The following LRRIQ3 variants were observed in gnomAD, a reference collection of about 807,000 sequenced individuals.
LRRIQ3 encodes the protein leucine-rich repeat and IQ domain-containing protein 3.
A neutral mutation model predicts 59.3 loss-of-function variants in LRRIQ3; 75 were observed. That is an observed-to-expected ratio of 1.26 (90% confidence interval 1.05 to 1.53). The LOEUF is 1.53. Among genes scored for constraint, LRRIQ3 ranks in the 40% most tolerant of loss-of-function variants. LRRIQ3 has a pLI of 0.00. For missense variants in LRRIQ3, 831 were observed against 710.0 expected, an observed-to-expected ratio of 1.17 and a Z score of -1.94; for synonymous variants, 250 against 231.3, an observed-to-expected ratio of 1.08 and a Z score of -0.73.
chr1:74,152,281 T>C (rs2100660055), intron 4 of LRRIQ3, among the ~76,000 whole-genome samples: 1 of 152,042 alleles, frequency 6.6e-6, no homozygotes, highest in African/African-American at 2.4e-5. Context: ...CTAAGTGAAA[T>C]AGACTAAAAT....
intron 7 of LRRIQ3, among the ~76,000 whole-genome samples, chr1:74,039,578 A>G (rs1653980043): frequency 6.6e-6 from 1 of 152,222 alleles, no homozygotes; most frequent in Non-Finnish European, 1.5e-5. Flanking sequence ...TCAGACTAAC[A>G]GTGGACCTCT....
intron 3 of LRRIQ3, among the ~76,000 whole-genome samples, chr1:74,169,707 C>G (rs1483744654): frequency 6.6e-6 from 1 of 151,876 alleles, no homozygotes; most frequent in Non-Finnish European, 1.5e-5. Context: ...GCACGCCACA[C>G]CTGGTTAATT....
At chr1:74,163,239 T>C (rs1648763448) in intron 3 of LRRIQ3, among the ~76,000 whole-genome samples, 1 of 151,606 alleles carries the variant, frequency 6.6e-6, no homozygotes, top group Non-Finnish European at 1.5e-5. Context: ...CATATCATTT[T>C]TACCTTTTTA....
intron 6 of LRRIQ3, among the ~76,000 whole-genome samples, chr1:74,050,148 T>C (rs1284379006): frequency 2.0e-5 from 3 of 151,968 alleles, no homozygotes; most frequent in African/African-American, 7.2e-5. Context: ...GCTCTCAAAC[T>C]CCTGACCTCA....
Position 74,041,940 on chromosome 1 carries a change from C to A in LRRIQ3, c.998-7G>T. 1 of 1,575,956 alleles carries A rather than the reference C, an allele frequency of 6.3e-7. No homozygotes were observed. The highest frequency in any genetic ancestry group is 1.2e-5 in the South Asian group (1 of 85,360). ...TCATCTTCAGACTCCTGACCTACAT[C>A]AAACAGAAGCAAATATTATACATTA... On this transcript the variant is annotated splice_region_variant and splice_polypyrimidine_tract_variant and intron_variant, in intron 6 of 7. Transcript: ENST00000354431.
intron 4 of LRRIQ3, among the ~76,000 whole-genome samples, chr1:74,133,239 T>C (rs1007078349): frequency 2.6e-5 from 4 of 152,080 alleles, no homozygotes; most frequent in African/African-American, 7.2e-5. Flanking sequence ...TGTGGAGAAA[T>C]AGGAACACTT....
intron 3 of LRRIQ3, chr1:74,180,371 T>C (rs566996581): frequency 1.0e-4 from 20 of 197,606 alleles, no homozygotes; most frequent in Non-Finnish European, 1.8e-4. Flanking sequence ...GCTTTAACTA[T>C]GACCCCAAGC....
chr1:74,198,022 T>G lies in LRRIQ3; in HGVS notation c.-27A>C, dbSNP rs1261339250. ...GGGTCAACTGGGCTGCAAGCCCTTATGAGTTGGAGACAAGTGGCCCAGCCC... is the reference window on the plus strand; with the variant it reads ...GGGTCAACTGGGCTGCAAGCCCTTAGGAGTTGGAGACAAGTGGCCCAGCCC... On this transcript the variant is annotated 5_prime_UTR_variant, in exon 1 of 8. Transcript: ENST00000354431. 6.1e-6 allele frequency: 4 copies of G among 651,050 alleles called. No homozygotes were observed. Among genetic ancestry groups the G allele is most frequent in the Non-Finnish European group, 9.8e-6 (4 of 406,922 alleles). The allele number at this position is 651,050 out of a possible 1,614,324, so 40.3% of individuals were successfully genotyped here. A position where few individuals can be genotyped will look rare whatever the true frequency, so the allele number is the denominator to read the frequency against.
At chr1:74,172,927 C>A (rs1054008409) in intron 3 of LRRIQ3, among the ~76,000 whole-genome samples, 4 of 152,050 alleles carry the variant, frequency 2.6e-5, no homozygotes, top group Non-Finnish European at 5.9e-5. Context: ...TTTTCCATTT[C>A]TTTCCCTTCA....
intron 4 of LRRIQ3, among the ~76,000 whole-genome samples, chr1:74,126,584 T>A (rs1469806571): frequency 6.6e-6 from 1 of 151,930 alleles, no homozygotes; most frequent in Non-Finnish European, 1.5e-5. Context: ...ATTTTTAAAT[T>A]TCCTTCATAA....
Position 74,198,043 on chromosome 1 carries a change from A to G in LRRIQ3, c.-48T>C. On this transcript the variant is annotated 5_prime_UTR_variant, in exon 1 of 8. Coordinates refer to ENST00000354431, the MANE Select transcript of LRRIQ3 (RefSeq NM_001105659.2). ...CTTATGAGTTGGAGACAAGTGGCCC[A>G]GCCCCAACACAGTCAGACAAATCGC... 2.5e-6 allele frequency: 2 copies of G among 815,438 alleles called. No individual in the cohort carries two copies. Among genetic ancestry groups the G allele is most frequent in the South Asian group, 2.2e-5 (1 of 44,832 alleles). 50.5% of individuals were successfully genotyped at this position (815,438 alleles called of 1,614,324 possible). A position where few individuals can be genotyped will look rare whatever the true frequency, so the allele number is the denominator to read the frequency against.
intron 5 of LRRIQ3, among the ~76,000 whole-genome samples, chr1:74,094,468 G>T (rs560214553): frequency 6.6e-6 from 1 of 152,132 alleles, no homozygotes; most frequent in East Asian, 1.9e-4. Flanking sequence ...ACAAGCCACA[G>T]AATATAGGCA....
rs565159672 is a variant in LRRIQ3 at position 74,112,869 on chromosome 1, C to T, written c.708-3316G>A. Among the ~76,000 whole-genome samples the T allele has an allele frequency of 4.6e-5, 7 of 151,996 alleles. No homozygotes were observed. In the East Asian group the frequency reaches 7.7e-4, roughly 17 times the overall value. On this transcript the variant is annotated intron_variant, in intron 4 of 7. Coordinates refer to ENST00000354431, the MANE Select transcript of LRRIQ3 (RefSeq NM_001105659.2). ...GGGGCTACAGTATCCCGGATTGTTA[C>T]GATACATTACCTAAAATGTCTAATT...
intron 4 of LRRIQ3, among the ~76,000 whole-genome samples, chr1:74,112,731 C>T (rs1016006635): frequency 1.3e-5 from 2 of 152,104 alleles, no homozygotes; most frequent in African/African-American, 4.8e-5. Context: ...AGCTGGTGCA[C>T]GCTCTGAGGA....
chr1:74,097,901 G>C (rs1214172523), intron 5 of LRRIQ3, among the ~76,000 whole-genome samples: 1 of 152,108 alleles, frequency 6.6e-6, no homozygotes, highest in East Asian at 1.9e-4. Flanking sequence ...AGCTCCCGAA[G>C]GAAGCACTAA....
chr1:74,049,382 A>C (rs75134485), intron 6 of LRRIQ3, among the ~76,000 whole-genome samples: 14,322 of 152,250 alleles, frequency 0.094, 697 homozygotes, highest in Middle Eastern at 0.13. Context: ...TAAAATTCTA[A>C]GTAGGGGACT....
chr1:74,063,149 AAC>A lies in LRRIQ3; in HGVS notation c.997+11510_997+11511del, dbSNP rs1327416182. On this transcript the variant is annotated intron_variant, in intron 6 of 7. Transcript: ENST00000354431. ...CAACAACAACAACAACAACAACAACAACAAAACGAGGAAGGGTGTTTCCTAAT... is the reference window on the plus strand; with the variant it reads ...CAACAACAACAACAACAACAACAACAAAAACGAGGAAGGGTGTTTCCTAAT... 9.3e-4 allele frequency among the ~76,000 whole-genome samples: 141 copies of A among 150,938 alleles called. 1 individual carries two copies. Among genetic ancestry groups the A allele is most frequent in the South Asian group, 1.7e-3 (8 of 4,808 alleles).
chr1:74,041,713 C>A lies in LRRIQ3; in HGVS notation c.1218G>T (p.Glu406Asp), dbSNP rs1654051695. The A allele has an allele frequency of 6.2e-7, 1 of 1,613,444 alleles. No individual in the cohort carries two copies. Among genetic ancestry groups the A allele is most frequent in the African/African-American group, 1.3e-5 (1 of 74,950 alleles). Residue 406 changes from glutamate to aspartate, a missense_variant, in exon 7 of 8, where the codon GAG becomes GAT. Transcript: ENST00000354431. ...TACCAGCTCTTTGTGGTGCAAAAAACTCTTTCATACTCCGCTCCAATCGTA... is the reference window on the plus strand; with the variant it reads ...TACCAGCTCTTTGTGGTGCAAAAAAATCTTTCATACTCCGCTCCAATCGTA... ...KDIRLERSMK[E>D]FFAPQRAGMK...
At chr1:74,176,299 T>C (rs1198283528) in intron 3 of LRRIQ3, among the ~76,000 whole-genome samples, 14 of 152,218 alleles carry the variant, frequency 9.2e-5, no homozygotes, top group Admixed American at 9.2e-4. Flanking sequence ...CTTGCTTATA[T>C]TCTTTACAGT....
Sources: gnomAD v4.1 joint callset for allele counts (sites outside exome capture counted in the v4.1 genomes callset) on GRCh38, gnomAD v4.1.1 for gene constraint, MANE v1.5 for transcripts, NCBI Gene and HGNC (gene_info 2026-07-23, HGNC 2026-07-21) for gene names.